NAPG: variants seen among roughly 807,000 people sequenced by gnomAD.
The protein encoded by NAPG is NSF attachment protein gamma.
Under a neutral mutation model 48.4 loss-of-function variants are expected in NAPG, and 25 were observed. The observed-to-expected ratio is 0.52, with a 90% CI of 0.38 to 0.72. The LOEUF (loss-of-function observed/expected upper bound fraction) is 0.72. NAPG is among the 30% of genes least tolerant of loss of function. The probability of loss-of-function intolerance (pLI) is 0.00; values close to 1 mark genes in which losing one functional copy is unlikely to be tolerated. For synonymous variants in NAPG, 139 were observed against 127.2 expected (o/e 1.09, Z -0.62); for missense variants, 359 against 372.5 (o/e 0.96, Z 0.30).
intron 9 of NAPG, among the ~76,000 whole-genome samples, chr18:10,547,954 T>G (rs1263490154): frequency 1.3e-5 from 2 of 152,158 alleles, no homozygotes; most frequent in African/African-American, 4.8e-5. Flanking sequence ...ATTGAATCTG[T>G]GTAGATATTT....
intron 5 of NAPG, among the ~76,000 whole-genome samples, chr18:10,538,791 A>T (rs2032087675): frequency 6.6e-6 from 1 of 152,098 alleles, no homozygotes; most frequent in Non-Finnish European, 1.5e-5. Context: ...TGAATTAGGG[A>T]TAAAATAATT....
At chr18:10,549,190 T>C (rs2032332900) in intron 11 of NAPG, 94 bp downstream of exon 11, 11 of 1,428,770 alleles carry the variant, frequency 7.7e-6, no homozygotes, top group Non-Finnish European at 1.0e-5. Context: ...TAAGAGATTT[T>C]TTCCTACCTC....
Position 10,546,383 on chromosome 18 carries a change from G to T in NAPG, c.564G>T (p.Glu188Asp), listed in dbSNP as rs764339987. 1.9e-6 allele frequency: 3 copies of T among 1,564,376 alleles called. No individual in the cohort carries two copies. In the South Asian group the frequency reaches 3.5e-5, roughly 18 times the overall value. Residue 188 changes from glutamate to aspartate, a missense_variant, in exon 9 of 12, where the codon GAG becomes GAT. Glu to Asp is a conservative substitution (Grantham distance 45). Coordinates refer to ENST00000322897, the MANE Select transcript of NAPG (RefSeq NM_003826.3). The surrounding 1 kb of genome is among the most constrained non-coding windows in gnomAD (Gnocchi z 4.0). ...AAAAAAATATTTATAAGGAAATTGA[G>T]AATTATCCAACTTGTTATAAGGTAT... is the stretch of plus-strand genomic sequence containing the variant. The part of the protein sequence containing the change: ...QKEKNIYKEI[E>D]NYPTCYKKTI...
Position 10,548,273 on chromosome 18 carries a change from G to T in NAPG, c.586-26G>T. ...GACTTTATTAAACAGATGTAAATTT[G>T]ACCATGATCCTCTCTTTTGTTTTAG... On this transcript the variant is annotated intron_variant, in intron 9 of 11. Transcript: ENST00000322897. The surrounding 1 kb of genome is among the most constrained non-coding windows in gnomAD (Gnocchi z 4.4). 1.3e-6 allele frequency: 2 copies of T among 1,555,850 alleles called. No homozygotes were observed. The highest frequency in any genetic ancestry group is 2.2e-5 in the South Asian group (2 of 89,600).
rs1555613865 is a variant in NAPG, at chr18:10,549,062, G to T, written c.761G>T (p.Cys254Phe). The T allele has an allele frequency of 2.5e-6, 4 of 1,613,692 alleles. No homozygotes were observed. Among genetic ancestry groups the T allele is most frequent in the Non-Finnish European group, 3.4e-6 (4 of 1,179,778 alleles). Residue 254 changes from cysteine (C) to phenylalanine (F), a missense_variant, in exon 11 of 12, where the codon TGC becomes TTC. By Grantham distance (205) the Cys-to-Phe change is radical. Transcript: ENST00000322897. ...QQDQDQVSDV[C>F]NSPLFKYMDN... is the part of the protein sequence containing the mutation. ...GACCAAGATCAGGTGTCAGATGTCT[G>T]CAACTCACCGCTTTTCAAGTACATG...
intron 8 of NAPG, among the ~76,000 whole-genome samples, chr18:10,541,734 C>T (rs2032162326): frequency 6.6e-6 from 1 of 152,158 alleles, no homozygotes; most frequent in African/African-American, 2.4e-5. Context: ...TACTATAAGA[C>T]CCCATGGAAG....
rs2032168166 is a variant in NAPG at position 10,542,040 on chromosome 18, G to T, written c.506+1641G>T. Among the ~76,000 whole-genome samples, 1 of 152,172 alleles carries T rather than the reference G, an allele frequency of 6.6e-6. No homozygotes were observed. The highest frequency in any genetic ancestry group is 6.5e-5 in the Admixed American group (1 of 15,280). ...TCATCCTCAAAACATTACCAGTGTT[G>T]CCAGTCGGTTTGGACACATCTGATG... On this transcript the variant is annotated intron_variant, in intron 8 of 11. Coordinates refer to ENST00000322897, the MANE Select transcript of NAPG (RefSeq NM_003826.3). The surrounding 1 kb of genome is among the most constrained non-coding windows in gnomAD (Gnocchi z 4.5).
At chr18:10,530,307 C>G (rs1455798338) in intron 1 of NAPG, among the ~76,000 whole-genome samples, 3 of 145,596 alleles carry the variant, frequency 2.1e-5, no homozygotes, top group Admixed American at 7.1e-5. Flanking sequence ...CTGATCTCAT[C>G]TATGCTCTTG....
chr18:10,549,771 T>C (rs187936402), intron 11 of NAPG, among the ~76,000 whole-genome samples: 61 of 152,312 alleles, frequency 4.0e-4, no homozygotes, highest in Non-Finnish European at 7.6e-4. Context: ...TTCAGTTGTT[T>C]ATTATAATGA....
chr18:10,546,162 G>A lies in NAPG; in HGVS notation c.507-164G>A, dbSNP rs1266480342. 6.6e-6 allele frequency among the ~76,000 whole-genome samples: 1 copy of A among 152,116 alleles called. No homozygotes were observed. The highest frequency in any genetic ancestry group is 1.5e-5 in the Non-Finnish European group (1 of 68,024). On this transcript the variant is annotated intron_variant, in intron 8 of 11. Coordinates refer to ENST00000322897, the MANE Select transcript of NAPG (RefSeq NM_003826.3). The surrounding 1 kb of genome is among the most constrained non-coding windows in gnomAD (Gnocchi z 4.0). ...GGGGAGTCAGACATTTGAAAGGTAA[G>A]CCAGATGAGCAGAGCATGTGGAAAC...
chr18:10,541,435 A>G (rs1223090247), intron 8 of NAPG, among the ~76,000 whole-genome samples: 1 of 152,230 alleles, frequency 6.6e-6, no homozygotes, highest in South Asian at 2.1e-4. Flanking sequence ...TAACTCTGAC[A>G]AATCCCAACT....
In NAPG at chr18:10,539,073, G is replaced by T. The variant is rs768024349; in HGVS notation, c.259-689G>T. The T allele has an allele frequency of 6.6e-6, 1 of 152,180 alleles. No individual in the cohort carries two copies. Among genetic ancestry groups the T allele is most frequent in the African/African-American group, 2.4e-5 (1 of 41,444 alleles). The allele number at this position is 152,180 out of a possible 1,614,324, so 9.4% of individuals were successfully genotyped here. ...GGTGGGAGTGTAAATTAGTTCAACC[G>T]TTGTGGAAGACAGTGTGGGGATTCC... On this transcript the variant is annotated intron_variant, in intron 5 of 11. Transcript: ENST00000322897. This position sits in a 1 kb window ranked among gnomAD's most constrained non-coding sequence, Gnocchi z 4.7.
intron 5 of NAPG, among the ~76,000 whole-genome samples, chr18:10,536,909 A>G (rs580216): frequency 0.33 from 50,536 of 151,288 alleles, 8,553 homozygotes; most frequent in East Asian, 0.43. Flanking sequence ...GTGCAGTTGA[A>G]ACTCTACATA....
At position 10,540,005 on chromosome 18, in the gene NAPG, A is replaced by G. The variant is rs2032116909; in HGVS notation, c.386A>G (p.Asp129Gly). 1.2e-6 allele frequency: 2 copies of G among 1,600,828 alleles called. No homozygotes were observed. Among genetic ancestry groups the G allele is most frequent in the Non-Finnish European group, 1.7e-6 (2 of 1,172,866 alleles). Reference sequence around the variant, plus strand: ...TGATTCAGGCTTATAGAAAATGTTGATCCAGAGAAGGCTGTACAGTTATAT... The same window carrying G: ...TGATTCAGGCTTATAGAAAATGTTGGTCCAGAGAAGGCTGTACAGTTATAT... ...ERAGKLIENV[D>G]PEKAVQLYQQ... is the part of the protein sequence containing the mutation. The change falls in exon 7 of 12, where the codon GAT (aspartate) becomes GGT (glycine). Residue 129 changes from aspartate to glycine, a missense_variant. Transcript: ENST00000322897.
chr18:10,542,184 C>T lies in NAPG; in HGVS notation c.506+1785C>T, dbSNP rs2032170569. 6.6e-6 allele frequency among the ~76,000 whole-genome samples: 1 copy of T among 151,054 alleles called. No homozygotes were observed. The highest frequency in any genetic ancestry group is 1.5e-5 in the Non-Finnish European group (1 of 67,866). On this transcript the variant is annotated intron_variant, in intron 8 of 11. Transcript: ENST00000322897. The surrounding 1 kb of genome is among the most constrained non-coding windows in gnomAD (Gnocchi z 4.5). ...GCTGCGTAGATGTGCTCAAAGGGCA[C>T]ATTTATAAATCCAGGGCTTTTATTC... is the stretch of plus-strand genomic sequence containing the variant.
chr18:10,526,967 A>G lies in NAPG; in HGVS notation c.56+809A>G, dbSNP rs1011530746. 3.1e-4 allele frequency among the ~76,000 whole-genome samples: 47 copies of G among 152,178 alleles called. No individual in the cohort carries two copies. In the East Asian group the frequency reaches 8.7e-3, roughly 28 times the overall value. ...CACTTTGGGAGGCCGAGGCGGGCGG[A>G]TCACAAGGTCAGAAGATCCAGACCA... On this transcript the variant is annotated intron_variant, in intron 1 of 11. Coordinates refer to ENST00000322897, the MANE Select transcript of NAPG (RefSeq NM_003826.3).
chr18:10,544,013 A>G lies in NAPG; in HGVS notation c.507-2313A>G, dbSNP rs2032210032. On this transcript the variant is annotated intron_variant, in intron 8 of 11. Coordinates refer to ENST00000322897, the MANE Select transcript of NAPG (RefSeq NM_003826.3). The surrounding 1 kb of genome is among the most constrained non-coding windows in gnomAD (Gnocchi z 5.1). ...TAAACAGTTTATGCGTAAAGAATGC[A>G]CCCTTTATAGTTAAATATATGAAAA... 6.6e-6 allele frequency among the ~76,000 whole-genome samples: 1 copy of G among 152,202 alleles called. No individual in the cohort carries two copies.
In NAPG at chr18:10,544,826, A is replaced by T. The variant is rs2032228212; in HGVS notation, c.507-1500A>T. On this transcript the variant is annotated intron_variant, in intron 8 of 11. Transcript: ENST00000322897. This position sits in a 1 kb window ranked among gnomAD's most constrained non-coding sequence, Gnocchi z 5.1. ...TAAATTGACTTTGTTCCAAAAATTT[A>T]TCAAGTTGACCTGTGGAAATTCAGA... Among the ~76,000 whole-genome samples, 2 of 152,344 alleles carry T rather than the reference A, an allele frequency of 1.3e-5. No homozygotes were observed. The highest frequency in any genetic ancestry group is 4.1e-4 in the South Asian group (2 of 4,828).
chr18:10,532,620 T>C, intron 2 of NAPG, 91 bp from the exon 3 acceptor site: 2 of 965,658 alleles, frequency 2.1e-6, no homozygotes, highest in East Asian at 2.7e-5. Flanking sequence ...AGTAAGTATG[T>C]TTATAATACT....
Sources: allele counts gnomAD v4.1 joint callset (sites outside exome capture counted in the v4.1 genomes callset), GRCh38; gene constraint gnomAD v4.1.1; non-coding constraint Gnocchi (gnomAD v3.1); transcripts MANE v1.5; gene names NCBI Gene and HGNC (gene_info 2026-07-23, HGNC 2026-07-21).